The following EPRS1 variants were observed in gnomAD, a reference collection of about 807,000 sequenced individuals.
EPRS1 encodes glutamyl-prolyl-tRNA synthetase 1.
Under a neutral mutation model 188.3 loss-of-function variants are expected in EPRS1, and 107 were observed. That is an observed-to-expected ratio of 0.57 (90% CI 0.49 to 0.67). EPRS1 has a LOEUF of 0.67. Ranked by LOEUF, EPRS1 falls within the 30% of genes least tolerant of loss-of-function variation. EPRS1 has a pLI of 0.00. For missense variants in EPRS1, 1,577 were observed against 1,802.2 expected, an observed-to-expected ratio of 0.88 and a Z score of 2.26; for synonymous variants, 596 against 593.1, an observed-to-expected ratio of 1.00 and a Z score of -0.07.
chr1:219,973,728 G>A (rs563846425), intron 28 of EPRS1, among the ~76,000 whole-genome samples: 5 of 152,232 alleles, frequency 3.3e-5, no homozygotes, highest in Admixed American at 2.6e-4. Flanking sequence ...GTTAAACGAA[G>A]ACTTTTTGAG....
rs764462607 is a variant in EPRS1, at chr1:219,980,115, T to C, written c.3681A>G (p.Ala1227=). 1.9e-6 allele frequency: 3 copies of C among 1,613,900 alleles called. No individual in the cohort carries two copies. Among genetic ancestry groups the C allele is most frequent in the East Asian group, 4.5e-5 (2 of 44,840 alleles). The change falls in exon 26 of 32, where the codon GCA becomes GCG. Residue 1227 remains alanine (A), a synonymous_variant. Coordinates refer to ENST00000366923, the MANE Select transcript of EPRS1 (RefSeq NM_004446.3). ...TAGCTCTTCCACTAGCAGATATAAA[T>C]GCTTCTATTGTAGTTGTATAGTCTC... ...AGGDYTTTIE[A]FISASGRAIQ... is the part of the protein sequence containing the mutation.
At position 219,997,274 on chromosome 1, in the gene EPRS1, G is replaced by A. The variant is rs368275348; in HGVS notation, c.2250C>T (p.Ser750=). 8 of 1,613,686 alleles carry A rather than the reference G, an allele frequency of 5.0e-6. No individual in the cohort carries two copies. Among genetic ancestry groups the A allele is most frequent in the Middle Eastern group, 1.7e-4 (1 of 6,056 alleles). ...CAGCCACTCTATTGTAAAGGACCAA[G>A]GAATCCTCAGATGTAGTACAATTAT... ...LNNNCTTSED[S]LVLYNRVAVQ... Residue 750 remains serine, a synonymous_variant, in exon 18 of 32, where the codon TCC becomes TCT. Coordinates refer to ENST00000366923, the MANE Select transcript of EPRS1 (RefSeq NM_004446.3).
At chr1:220,004,845 AT>A (rs1490023911) in intron 16 of EPRS1, among the ~76,000 whole-genome samples, 1 of 152,140 alleles carries the variant, frequency 6.6e-6, no homozygotes. Context: ...AAAAAAAAAA[AT>A]ACAAATACTG....
intron 3 of EPRS1, 46 bp from the exon 4 acceptor site, chr1:220,033,704 C>T: frequency 6.9e-7 from 1 of 1,444,278 alleles, no homozygotes; most frequent in Middle Eastern, 1.9e-4. Flanking sequence ...AACATTTCAA[C>T]TTATAAAAAG....
chr1:220,010,616 C>T (rs189874022), intron 13 of EPRS1, among the ~76,000 whole-genome samples: 1 of 152,162 alleles, frequency 6.6e-6, no homozygotes, highest in Admixed American at 6.5e-5. Flanking sequence ...TTGAGACCAA[C>T]CTGGCCAACA....
chr1:220,029,925 T>C (rs894498212), intron 6 of EPRS1, among the ~76,000 whole-genome samples: 3 of 152,050 alleles, frequency 2.0e-5, no homozygotes, highest in Non-Finnish European at 2.9e-5. Context: ...GGAAACCTAA[T>C]GGAAAGAAAG....
chr1:220,032,666 C>T (rs1336957610), intron 4 of EPRS1, 140 bp from the exon 5 acceptor site: 21 of 813,214 alleles, frequency 2.6e-5, no homozygotes, highest in Non-Finnish European at 3.7e-5. Context: ...TCTGGATATA[C>T]ACTGAACTGT....
rs925291084 is a variant in EPRS1 at position 219,984,096 on chromosome 1, C to T, written c.3090+110G>A. 2.4e-5 allele frequency: 18 copies of T among 744,234 alleles called. No homozygotes were observed. In the African/African-American group the frequency reaches 2.5e-4, roughly 10 times the overall value. 46.1% of individuals were successfully genotyped at this position (744,234 alleles called of 1,614,324 possible). A position where few individuals can be genotyped will look rare whatever the true frequency, so the allele number is the denominator to read the frequency against. ...TGACTACACTGTGTATTATTAAAGG[C>T]ATTATACAACATTATTACTATTGCC... On this transcript the variant is annotated intron_variant, in intron 21 of 31. Coordinates refer to ENST00000366923, the MANE Select transcript of EPRS1 (RefSeq NM_004446.3).
chr1:220,027,743 G>A (rs183732129), intron 6 of EPRS1, among the ~76,000 whole-genome samples: 12 of 152,166 alleles, frequency 7.9e-5, no homozygotes, highest in African/African-American at 2.9e-4. Flanking sequence ...GACACTATGG[G>A]AGGCCAAGGC....
Position 219,981,407 on chromosome 1 carries a change from T to TG in EPRS1, c.3423dup (p.Ile1142HisfsTer25), listed in dbSNP as rs748456298. 4 of 1,609,074 alleles carry TG rather than the reference T, an allele frequency of 2.5e-6. No homozygotes were observed. Among genetic ancestry groups the TG allele is most frequent in the African/African-American group, 2.7e-5 (2 of 74,694 alleles). On this transcript the variant is annotated frameshift_variant, in exon 24 of 32. Coordinates refer to ENST00000366923, the MANE Select transcript of EPRS1 (RefSeq NM_004446.3). LOFTEE classifies it high-confidence loss of function. Reference sequence around the variant, plus strand: ...ACATTGCACCACTGATTGAGCTTGATGGGCAGGTCTCTGTGTGACTGTACC... The same window carrying TG: ...ACATTGCACCACTGATTGAGCTTGATGGGGCAGGTCTCTGTGTGACTGTACC...
intron 28 of EPRS1, 138 bp downstream of exon 28, chr1:219,978,408 T>A (rs1217678312): frequency 3.3e-6 from 2 of 610,664 alleles, no homozygotes; most frequent in African/African-American, 3.8e-5. Context: ...CTCAACAGTT[T>A]AAGTGAAGAA....
At chr1:220,046,016 T>G (rs112746764) in intron 1 of EPRS1, among the ~76,000 whole-genome samples, 5,568 of 152,250 alleles carry the variant, frequency 0.037, 309 homozygotes, top group African/African-American at 0.13. Context: ...ACTCTCGCTC[T>G]CCGGGGGAAA....
chr1:219,988,512 G>T, intron 19 of EPRS1, 78 bp downstream of exon 19: 1 of 906,268 alleles, frequency 1.1e-6, no homozygotes, highest in Non-Finnish European at 1.7e-6. Flanking sequence ...AGATTTGATG[G>T]GGCACAAAAC....
At chr1:219,978,929 A>G (rs1168386239) in intron 27 of EPRS1, among the ~76,000 whole-genome samples, 4 of 145,322 alleles carry the variant, frequency 2.8e-5, no homozygotes, top group Non-Finnish European at 6.0e-5. Context: ...CACTTAATCT[A>G]TTTTTCATAT....
chr1:220,025,017 A>AG, intron 7 of EPRS1, 115 bp downstream of exon 7: 1 of 978,736 alleles, frequency 1.0e-6, no homozygotes. Context: ...ATATATAGAT[A>AG]GGGAAAAAAG....
At chr1:220,010,838 G>T (rs1661590701) in intron 13 of EPRS1, 108 bp downstream of exon 13, 2 of 655,208 alleles carry the variant, frequency 3.1e-6, no homozygotes, top group Admixed American at 2.5e-5. Context: ...AAGAAAGAAA[G>T]AAAATCATCT....
At chr1:220,006,882 C>T (rs1392833351) in intron 14 of EPRS1, among the ~76,000 whole-genome samples, 1 of 152,128 alleles carries the variant, frequency 6.6e-6, no homozygotes, top group Non-Finnish European at 1.5e-5. Flanking sequence ...TAAATTCTGT[C>T]TAAAAGATCC....
rs773962011 is a variant in EPRS1, at chr1:219,988,774, T to C, written c.2591A>G (p.Tyr864Cys). ...VECLLSLKAQ[Y>C]KEKTGKEYIP... is the part of the protein sequence containing the mutation. ...GTACTCCTTCCCAGTTTTTTCTTTATACTGAGCCTTCAGGGACAGTAAGCA... is the reference window on the plus strand; with the variant it reads ...GTACTCCTTCCCAGTTTTTTCTTTACACTGAGCCTTCAGGGACAGTAAGCA... Residue 864 changes from tyrosine (Y) to cysteine (C), a missense_variant, in exon 19 of 32, where the codon TAT (tyrosine) becomes TGT (cysteine). By Grantham distance (194) the Tyr-to-Cys change is radical. This residue lies in a region of EPRS1 where 1,278 missense variants were observed against 1,457.4 expected (regional missense o/e 0.88). Coordinates refer to ENST00000366923, the MANE Select transcript of EPRS1 (RefSeq NM_004446.3). 2.5e-6 allele frequency: 4 copies of C among 1,613,660 alleles called. No homozygotes were observed. The highest frequency in any genetic ancestry group is 1.1e-5 in the South Asian group (1 of 91,040).
chr1:219,983,354 G>C lies in EPRS1; in HGVS notation c.3135C>G (p.Gly1045=). The part of the protein sequence containing the change: ...SEMIEYHDIS[G]CYILRPWAYA... ...AGGCCCAGGGACGAAGAATATAACA[G>C]CCACTTATGTCATGGTATTCAATCA... Residue 1045 remains glycine, a synonymous_variant, in exon 22 of 32, where the codon GGC becomes GGG. Coordinates refer to ENST00000366923, the MANE Select transcript of EPRS1 (RefSeq NM_004446.3). 6.2e-7 allele frequency: 1 copy of C among 1,613,824 alleles called. No homozygotes were observed. Among genetic ancestry groups the C allele is most frequent in the Non-Finnish European group, 8.5e-7 (1 of 1,179,784 alleles).
Sources: gnomAD v4.1 joint callset for allele counts (sites outside exome capture counted in the v4.1 genomes callset) on GRCh38, gnomAD v4.1.1 for gene constraint, gnomAD v4.1.1 regional missense constraint, MANE v1.5 for transcripts, NCBI Gene and HGNC (gene_info 2026-07-23, HGNC 2026-07-21) for gene names.